CDKAL1: variants seen among roughly 807,000 people sequenced by gnomAD.
The protein encoded by CDKAL1 is CDKAL1 threonylcarbamoyladenosine tRNA methylthiotransferase.
CDKAL1 carries 32 observed loss-of-function variants against 68.2 expected under a neutral mutation model. That is an observed-to-expected ratio of 0.47 (90% CI 0.35 to 0.63). The LOEUF is 0.63. Ranked by LOEUF, CDKAL1 falls within the 30% of genes least tolerant of loss-of-function variation. The pLI, the probability that CDKAL1 is intolerant of heterozygous loss-of-function variation, is 0.00. For synonymous variants in CDKAL1, 234 were observed against 244.3 expected (o/e 0.96, Z 0.39); for missense variants, 606 against 696.7 (o/e 0.87, Z 1.47).
At chr6:20,822,262 G>A (rs1428202971) in intron 8 of CDKAL1, among the ~76,000 whole-genome samples, 3 of 152,268 alleles carry the variant, frequency 2.0e-5, no homozygotes, top group South Asian at 2.1e-4. Context: ...GTTGATGAAA[G>A]CAAATATTGA....
At chr6:21,090,231 T>C (rs1011342773) in intron 12 of CDKAL1, among the ~76,000 whole-genome samples, 1 of 152,314 alleles carries the variant, frequency 6.6e-6, no homozygotes, top group East Asian at 1.9e-4. Context: ...GAACTAACAT[T>C]TATTGAGTGA....
intron 12 of CDKAL1, among the ~76,000 whole-genome samples, chr6:21,082,904 C>T (rs1772485681): frequency 7.3e-6 from 1 of 137,456 alleles, no homozygotes; most frequent in South Asian, 2.3e-4. Flanking sequence ...GACAGGGTCT[C>T]GTTCTGTTGC....
At chr6:20,912,432 C>T (rs773806247) in intron 9 of CDKAL1, among the ~76,000 whole-genome samples, 1 of 152,072 alleles carries the variant, frequency 6.6e-6, no homozygotes, top group East Asian at 1.9e-4. Context: ...GTTGGTCAGG[C>T]CTTCAGTTCC....
In CDKAL1 at chr6:21,230,860, G is replaced by A. The variant is rs1456105226; in HGVS notation, c.1561G>A (p.Gly521Arg). The A allele has an allele frequency of 6.2e-7, 1 of 1,602,524 alleles. No homozygotes were observed. The highest frequency in any genetic ancestry group is 8.5e-7 in the Non-Finnish European group (1 of 1,172,078). ...VSGLTKDFRN[G>R]LGNQLSSGSH... The stretch of plus-strand genomic sequence containing the variant: ...TCTCTCTTTATAGGACTTCAGAAAT[G>A]GGCTTGGGAACCAGCTGAGTTCAGG... Residue 521 changes from glycine to arginine, a missense_variant, in exon 16 of 16, where the codon GGG (glycine) becomes AGG (arginine). Coordinates refer to ENST00000274695, the MANE Select transcript of CDKAL1 (RefSeq NM_017774.3).
At chr6:20,952,919 G>T (rs1039184006) in intron 9 of CDKAL1, among the ~76,000 whole-genome samples, 9 of 152,186 alleles carry the variant, frequency 5.9e-5, no homozygotes, top group Admixed American at 5.9e-4. Flanking sequence ...ATTCTCATTA[G>T]GATTCTTCAT....
intron 13 of CDKAL1, among the ~76,000 whole-genome samples, chr6:21,116,500 C>T (rs191088568): frequency 4.2e-4 from 64 of 152,168 alleles, no homozygotes; most frequent in African/African-American, 1.4e-3. Context: ...GAGCAGTATA[C>T]GTGGAGATGG....
intron 10 of CDKAL1, among the ~76,000 whole-genome samples, chr6:20,979,464 C>T (rs1301832146): frequency 6.6e-6 from 1 of 152,034 alleles, no homozygotes; most frequent in East Asian, 1.9e-4. Context: ...TAGAGGTGAG[C>T]AATTGCATTC....
chr6:21,181,147 G>A (rs751299035), intron 13 of CDKAL1, among the ~76,000 whole-genome samples: 10 of 152,164 alleles, frequency 6.6e-5, no homozygotes, highest in Non-Finnish European at 1.0e-4. Context: ...ACCCACTGTC[G>A]AGATAGCTAA....
intron 8 of CDKAL1, among the ~76,000 whole-genome samples, chr6:20,786,229 T>TAAATA (rs1368782869): frequency 1.3e-5 from 2 of 152,050 alleles, no homozygotes; most frequent in East Asian, 3.9e-4. Flanking sequence ...CATCTCTAAA[T>TAAATA]AAATAAAATA....
chr6:20,837,743 A>G (rs1778005405), intron 8 of CDKAL1, among the ~76,000 whole-genome samples: 1 of 76,000 alleles, frequency 1.3e-5, no homozygotes, highest in Non-Finnish European at 3.5e-5. Context: ...TCACTTCAGC[A>G]TATAATAATA....
intron 10 of CDKAL1, among the ~76,000 whole-genome samples, chr6:20,981,977 G>C (rs917589519): frequency 6.6e-6 from 1 of 152,120 alleles, no homozygotes; most frequent in Admixed American, 6.5e-5. Context: ...CAGTCTCTAA[G>C]TTTGAAACAT....
chr6:20,552,006 G>T (rs1242997901), intron 4 of CDKAL1, among the ~76,000 whole-genome samples: 2 of 149,036 alleles, frequency 1.3e-5, no homozygotes, highest in African/African-American at 2.5e-5. Flanking sequence ...TGGGACTACA[G>T]TTGTGTGCCT....
rs745750580 is a variant in CDKAL1, at chr6:20,546,494, A to G, written c.144A>G (p.Gln48=). 3.7e-6 allele frequency: 6 copies of G among 1,613,956 alleles called. No homozygotes were observed. The East Asian group carries it at 1.1e-4, about 30-fold the overall frequency. Residue 48 remains glutamine, a synonymous_variant, in exon 3 of 16, where the codon CAA becomes CAG. Coordinates refer to ENST00000274695, the MANE Select transcript of CDKAL1 (RefSeq NM_017774.3). ...VRRRNTQKYL[Q]EEENSPPSDS... ...GGCGAAATACCCAAAAATATTTGCA[A>G]GAGGAAGAAAACAGTCCACCAAGTG...
At chr6:20,658,263 A>G (rs1769121536) in intron 5 of CDKAL1, among the ~76,000 whole-genome samples, 1 of 152,176 alleles carries the variant, frequency 6.6e-6, no homozygotes, top group African/African-American at 2.4e-5. Flanking sequence ...TGCATTATTA[A>G]CCCAAATGGG....
chr6:20,904,196 G>A (rs1277287506), intron 9 of CDKAL1, among the ~76,000 whole-genome samples: 1 of 152,114 alleles, frequency 6.6e-6, no homozygotes. Context: ...CTGCATTGTT[G>A]CAAGCCCCTC....
chr6:21,104,637 A>T (rs17834987), intron 12 of CDKAL1, among the ~76,000 whole-genome samples: 11,535 of 152,200 alleles, frequency 0.076, 498 homozygotes, highest in South Asian at 0.1. Flanking sequence ...AGAGGGAAGA[A>T]TAGCAGTGGT....
intron 13 of CDKAL1, among the ~76,000 whole-genome samples, chr6:21,140,827 G>T (rs900189049): frequency 6.6e-6 from 1 of 152,160 alleles, no homozygotes; most frequent in African/African-American, 2.4e-5. Context: ...AGACTGGGAA[G>T]AAAAAGAGGT....
chr6:20,970,192 C>A (rs967337414), intron 10 of CDKAL1, among the ~76,000 whole-genome samples: 3 of 152,078 alleles, frequency 2.0e-5, no homozygotes, highest in Non-Finnish European at 4.4e-5. Flanking sequence ...GAAGTTACAA[C>A]TCTATTATGC....
rs576034683 is a variant in CDKAL1 at position 20,561,523 on chromosome 6, C to T, written c.286+12818C>T. Among the ~76,000 whole-genome samples the T allele has an allele frequency of 7.3e-5, 11 of 149,796 alleles. No homozygotes were observed. In the East Asian group the frequency reaches 2.1e-3, roughly 29 times the overall value. ...TTAAGCCAGACTGTAAAACCAACTA[C>T]CACCATTTATTAGCTATATAACTTT... On this transcript the variant is annotated intron_variant, in intron 4 of 15. Coordinates refer to ENST00000274695, the MANE Select transcript of CDKAL1 (RefSeq NM_017774.3).
Sources: allele counts gnomAD v4.1 joint callset (sites outside exome capture counted in the v4.1 genomes callset), GRCh38; gene constraint gnomAD v4.1.1; transcripts MANE v1.5; gene names NCBI Gene and HGNC (gene_info 2026-07-23, HGNC 2026-07-21).